Variants in GSG1L observed in about 807,000 individuals in gnomAD.
GSG1L encodes the protein GSG1 like.
In GSG1L, 24 loss-of-function variants were observed where a neutral mutation model predicts 42.1. The ratio of observed to expected loss-of-function variants is 0.57; its 90% CI spans 0.41 to 0.80. The LOEUF (loss-of-function observed/expected upper bound fraction) is 0.80, where lower values mean the gene tolerates loss of function less well. Among genes scored for constraint, GSG1L ranks in the 30% least tolerant of loss-of-function variants. The probability of loss-of-function intolerance (pLI) is 0.00; values close to 1 mark genes in which losing one functional copy is unlikely to be tolerated. For missense variants in GSG1L, 445 were observed against 472.2 expected, an observed-to-expected ratio of 0.94 and a Z score of 0.53; for synonymous variants, 215 against 203.5, an observed-to-expected ratio of 1.06 and a Z score of -0.48.
At chr16:27,974,575 A>G (rs1010155680) in intron 1 of GSG1L, among the ~76,000 whole-genome samples, 1 of 152,226 alleles carries the variant, frequency 6.6e-6, no homozygotes, top group African/African-American at 2.4e-5. Context: ...AGAAGAAGTG[A>G]GAGTGCCTGT....
chr16:27,896,210 T>C (rs560894711), intron 2 of GSG1L, among the ~76,000 whole-genome samples: 6 of 152,222 alleles, frequency 3.9e-5, no homozygotes, highest in African/African-American at 1.2e-4. Context: ...TTCCTTCTGG[T>C]GGGTGCTCAG....
At chr16:27,802,205 AG>A in intron 6 of GSG1L, among the ~76,000 whole-genome samples, 1 of 152,272 alleles carries the variant, frequency 6.6e-6, no homozygotes, top group Admixed American at 6.5e-5. Context: ...GGAAGTCAAC[AG>A]GGTCCAGCAA....
chr16:27,934,539 A>T (rs1184280029), intron 2 of GSG1L, among the ~76,000 whole-genome samples: 1 of 152,212 alleles, frequency 6.6e-6, no homozygotes, highest in Non-Finnish European at 1.5e-5. Flanking sequence ...TGTCTCAAAA[A>T]ATAAATAAAT....
At chr16:27,806,695 C>T (rs1468902130) in intron 6 of GSG1L, among the ~76,000 whole-genome samples, 1 of 152,178 alleles carries the variant, frequency 6.6e-6, no homozygotes, top group Non-Finnish European at 1.5e-5. Context: ...GCCACTGGAG[C>T]TTCCTAAAGG....
At chr16:28,009,987 GCA>G (rs368279130) in intron 1 of GSG1L, among the ~76,000 whole-genome samples, 1 of 151,768 alleles carries the variant, frequency 6.6e-6, no homozygotes, top group African/African-American at 2.4e-5. Flanking sequence ...ATGTCCTCAT[GCA>G]CACACACACA....
intron 2 of GSG1L, among the ~76,000 whole-genome samples, chr16:27,950,750 A>G (rs543441391): frequency 3.9e-5 from 6 of 152,218 alleles, no homozygotes; most frequent in African/African-American, 1.4e-4. Context: ...ATGTCCACTG[A>G]GCACCTGCCA....
intron 2 of GSG1L, among the ~76,000 whole-genome samples, chr16:27,904,483 T>A (rs2084297338): frequency 6.6e-6 from 1 of 152,120 alleles, no homozygotes; most frequent in Admixed American, 6.6e-5. Context: ...TTTATTTTTT[T>A]CCCTAGCATG....
intron 1 of GSG1L, among the ~76,000 whole-genome samples, chr16:27,969,012 G>A (rs1402227038): frequency 2.0e-5 from 3 of 152,138 alleles, no homozygotes; most frequent in Non-Finnish European, 4.4e-5. Flanking sequence ...AGGAGGCTGA[G>A]GCAGGAGGAC....
At chr16:28,029,612 G>A (rs567193274) in intron 1 of GSG1L, among the ~76,000 whole-genome samples, 21 of 152,232 alleles carry the variant, frequency 1.4e-4, no homozygotes, top group African/African-American at 5.1e-4. Flanking sequence ...TGCACAGGTG[G>A]ATGAATGGAT....
At chr16:27,831,059 T>G (rs2083270179) in intron 4 of GSG1L, among the ~76,000 whole-genome samples, 1 of 152,220 alleles carries the variant, frequency 6.6e-6, no homozygotes. Context: ...CAACAGTAAT[T>G]GGTTGGGGGG....
chr16:27,796,902 GTTTACAGACGT>G (rs2144398177), intron 6 of GSG1L, among the ~76,000 whole-genome samples: 1 of 152,252 alleles, frequency 6.6e-6, no homozygotes, highest in South Asian at 2.1e-4. Context: ...TGGCTGCTGG[GTTTACAGACGT>G]GAGTGAGATG....
intron 1 of GSG1L, among the ~76,000 whole-genome samples, chr16:27,976,701 A>T (rs1033711718): frequency 3.9e-5 from 6 of 152,212 alleles, no homozygotes; most frequent in African/African-American, 1.4e-4. Context: ...CTTAGCCATC[A>T]CGTCTGCATT....
At chr16:27,959,936 CAA>C (rs1252346578) in intron 2 of GSG1L, among the ~76,000 whole-genome samples, 1 of 152,116 alleles carries the variant, frequency 6.6e-6, no homozygotes, top group East Asian at 1.9e-4. Flanking sequence ...ATGTAAAACA[CAA>C]AACTAGAATA....
At chr16:27,953,952 G>A (rs1334353103) in intron 2 of GSG1L, among the ~76,000 whole-genome samples, 9 of 152,202 alleles carry the variant, frequency 5.9e-5, no homozygotes, top group Admixed American at 2.6e-4. Flanking sequence ...TTTGGAAAGA[G>A]TTGAGGATGA....
intron 3 of GSG1L, among the ~76,000 whole-genome samples, chr16:27,850,044 T>TTTTTTTTTTG (rs1209062343): frequency 7.0e-6 from 1 of 142,848 alleles, no homozygotes. Flanking sequence ...TTTTTTTTTT[T>TTTTTTTTTTG]TGAGATGGGA....
At chr16:28,044,107 C>T (rs1381369793) in intron 1 of GSG1L, among the ~76,000 whole-genome samples, 1 of 152,046 alleles carries the variant, frequency 6.6e-6, no homozygotes, top group Non-Finnish European at 1.5e-5. Context: ...TCAACAGATA[C>T]CAGGCCAATT....
chr16:27,868,168 C>T (rs577837704), intron 3 of GSG1L, among the ~76,000 whole-genome samples: 1 of 152,364 alleles, frequency 6.6e-6, no homozygotes, highest in African/African-American at 2.4e-5. Context: ...CTTCTAGCAA[C>T]ATGCAAAGGA....
chr16:27,878,446 C>T (rs370847906), intron 3 of GSG1L, among the ~76,000 whole-genome samples: 11 of 152,220 alleles, frequency 7.2e-5, no homozygotes, highest in East Asian at 1.9e-4. Flanking sequence ...ATAAGAATAG[C>T]GTGGGGGAAA....
Position 27,818,107 on chromosome 16 carries a change from G to A in GSG1L, c.831-10553C>T, listed in dbSNP as rs183801722. Among the ~76,000 whole-genome samples, 29 of 152,336 alleles carry A rather than the reference G, an allele frequency of 1.9e-4. 1 individual carries two copies. The highest frequency in any genetic ancestry group is 1.6e-3 in the Admixed American group (25 of 15,310). The stretch of plus-strand genomic sequence containing the variant: ...GCCAGCGCTGCTGGGTCCAGGCTTT[G>A]GCCAGGTGAGGGGCTCAGCCCAGCC... On this transcript the variant is annotated intron_variant, in intron 5 of 6. Coordinates refer to ENST00000447459, the MANE Select transcript of GSG1L (RefSeq NM_001109763.2).
Sources: allele counts gnomAD v4.1 joint callset (sites outside exome capture counted in the v4.1 genomes callset), GRCh38; gene constraint gnomAD v4.1.1; transcripts MANE v1.5; gene names NCBI Gene and HGNC (gene_info 2026-07-23, HGNC 2026-07-21).